The following SYNGR1 variants were observed in gnomAD, a reference collection of about 807,000 sequenced individuals.
SYNGR1 encodes the protein synaptogyrin 1, also known as synaptogyrin-1.
Under a neutral mutation model 26.1 loss-of-function variants are expected in SYNGR1, and 14 were observed. The observed-to-expected ratio is 0.54, with a 90% confidence interval of 0.35 to 0.84. SYNGR1 has a LOEUF of 0.84. Among genes scored for constraint, SYNGR1 ranks in the 40% least tolerant of loss-of-function variants. The pLI is 0.01. For synonymous variants in SYNGR1, 141 were observed against 150.1 expected (o/e 0.94, Z 0.44); for missense variants, 319 against 332.9 (o/e 0.96, Z 0.33).
chr22:39,354,475 A>T (rs185374169), intron 1 of SYNGR1, among the ~76,000 whole-genome samples: 172 of 152,210 alleles, frequency 1.1e-3, no homozygotes, highest in Middle Eastern at 6.8e-3. Flanking sequence ...TGAGGGGGGC[A>T]GCTTCATACC....
chr22:39,381,362 G>A (rs918897910), intron 3 of SYNGR1, among the ~76,000 whole-genome samples: 1 of 152,200 alleles, frequency 6.6e-6, no homozygotes, highest in Non-Finnish European at 1.5e-5. Context: ...TAAGAAGGCT[G>A]TTGTGAGCCT....
At chr22:39,353,817 A>G (rs1028546849) in intron 1 of SYNGR1, among the ~76,000 whole-genome samples, 1 of 152,168 alleles carries the variant, frequency 6.6e-6, no homozygotes, top group African/African-American at 2.4e-5. Context: ...GGGGGCTAAG[A>G]TGGACTATAG....
At chr22:39,377,579 C>A (rs553666553) in intron 3 of SYNGR1, 1 of 1,612,532 alleles carries the variant, frequency 6.2e-7, no homozygotes, top group East Asian at 2.2e-5. Flanking sequence ...CTGGCCTCAC[C>A]CCTACTCTCT....
At chr22:39,355,464 T>G (rs1311836218) in intron 1 of SYNGR1, among the ~76,000 whole-genome samples, 2 of 152,226 alleles carry the variant, frequency 1.3e-5, no homozygotes, top group Admixed American at 6.5e-5. Context: ...CTCCGCCGCT[T>G]CTTCTCTCTC....
At chr22:39,364,792 TG>T (rs1308814488) in intron 1 of SYNGR1, among the ~76,000 whole-genome samples, 1 of 152,154 alleles carries the variant, frequency 6.6e-6, no homozygotes, top group Non-Finnish European at 1.5e-5. Flanking sequence ...TTGGTGCTTC[TG>T]GGGTCTCTGT....
chr22:39,356,218 C>A (rs1364871686), intron 1 of SYNGR1, among the ~76,000 whole-genome samples: 1 of 152,020 alleles, frequency 6.6e-6, no homozygotes, highest in African/African-American at 2.4e-5. Flanking sequence ...CCACACCCGG[C>A]TAATTTTTAT....
chr22:39,378,025 G>C, intron 3 of SYNGR1: 1 of 1,198,732 alleles, frequency 8.3e-7, no homozygotes, highest in Non-Finnish European at 1.1e-6. Flanking sequence ...GCCGTGGACA[G>C]TTACCAGGTA....
chr22:39,351,957 G>A (rs1391591063), intron 1 of SYNGR1, among the ~76,000 whole-genome samples: 1 of 152,228 alleles, frequency 6.6e-6, no homozygotes, highest in East Asian at 1.9e-4. Context: ...AAAGCAGGAG[G>A]AAGGATCAGC....
intron 1 of SYNGR1, among the ~76,000 whole-genome samples, chr22:39,367,045 C>T (rs1374703775): frequency 6.6e-6 from 1 of 152,250 alleles, no homozygotes; most frequent in Non-Finnish European, 1.5e-5. Flanking sequence ...GGCTCGGGTC[C>T]CTCACTGAGT....
Position 39,350,221 on chromosome 22 carries a change from C to G in SYNGR1, c.99+112C>G. On this transcript the variant is annotated intron_variant, in intron 1 of 3. Coordinates refer to ENST00000328933, the MANE Select transcript of SYNGR1 (RefSeq NM_004711.5). The surrounding 1 kb of genome is among the most constrained non-coding windows in gnomAD (Gnocchi z 4.3). ...GACCCCAACGGGCCCCCGGCGGCGG[C>G]GCGGCGGCGGGCGAGGAGCTGTCCT... is the stretch of plus-strand genomic sequence containing the variant. 1 of 701,546 alleles carries G rather than the reference C, an allele frequency of 1.4e-6. No homozygotes were observed. The highest frequency in any genetic ancestry group is 1.9e-6 in the Non-Finnish European group (1 of 537,712). The allele number at this position is 701,546 out of a possible 1,614,324, so 43.5% of individuals were successfully genotyped here. A position where few individuals can be genotyped will look rare whatever the true frequency, so the allele number is the denominator to read the frequency against.
At chr22:39,377,224 G>A (rs1925323310) in intron 3 of SYNGR1, 1 of 1,435,104 alleles carries the variant, frequency 7.0e-7, no homozygotes, top group African/African-American at 1.4e-5. Context: ...AGGGCCCCTG[G>A]ATATCCATTT....
At position 39,381,708 on chromosome 22, in the gene SYNGR1, G is replaced by A. The variant is rs1323817834; in HGVS notation, c.496G>A (p.Val166Met). Reference sequence around the variant, plus strand: ...CCTTTGTCCCCAGGCGGGCCAGGCTGTGCTGGCCTTCCAGCGGTACCAGAT... The same window carrying A: ...CCTTTGTCCCCAGGCGGGCCAGGCTATGCTGGCCTTCCAGCGGTACCAGAT... Reference protein sequence around the residue: ...FSIFTWAGQAVLAFQRYQIGA... With the variant: ...FSIFTWAGQAMLAFQRYQIGA... Residue 166 changes from valine to methionine, a missense_variant, in exon 4 of 4, where the codon GTG becomes ATG. Coordinates refer to ENST00000328933, the MANE Select transcript of SYNGR1 (RefSeq NM_004711.5). 4 of 1,613,318 alleles carry A rather than the reference G, an allele frequency of 2.5e-6. No homozygotes were observed. The highest frequency in any genetic ancestry group is 3.4e-6 in the Non-Finnish European group (4 of 1,179,986).
intron 1 of SYNGR1, among the ~76,000 whole-genome samples, chr22:39,351,026 CAGTG>C (rs1298185317): frequency 2.0e-5 from 3 of 152,164 alleles, no homozygotes; most frequent in Admixed American, 1.3e-4. Flanking sequence ...GGGTCAGAGA[CAGTG>C]AGCACAGAGG....
rs1255867741 is a variant in SYNGR1, at chr22:39,350,327, T to G, written c.99+218T>G. Among the ~76,000 whole-genome samples, 1 of 151,852 alleles carries G rather than the reference T, an allele frequency of 6.6e-6. No homozygotes were observed. Among genetic ancestry groups the G allele is most frequent in the Non-Finnish European group, 1.5e-5 (1 of 67,912 alleles). ...CCCTGGTGCTCGCGGGAGACGCCGC[T>G]CCGGCTCCCGGAGCCCTGGTTTCCT... On this transcript the variant is annotated intron_variant, in intron 1 of 3. Coordinates refer to ENST00000328933, the MANE Select transcript of SYNGR1 (RefSeq NM_004711.5). This position sits in a 1 kb window ranked among gnomAD's most constrained non-coding sequence, Gnocchi z 4.3.
chr22:39,357,992 G>A (rs1350547820), intron 1 of SYNGR1, among the ~76,000 whole-genome samples: 1 of 152,284 alleles, frequency 6.6e-6, no homozygotes, highest in Non-Finnish European at 1.5e-5. Flanking sequence ...CGAGCGCACG[G>A]CGCGGGAGTG....
chr22:39,382,376 T>C lies in SYNGR1; in HGVS notation c.*462T>C. 4.4e-6 allele frequency: 1 copy of C among 229,282 alleles called. No individual in the cohort carries two copies. Among genetic ancestry groups the C allele is most frequent in the Non-Finnish European group, 8.8e-6 (1 of 113,144 alleles). 14.2% of individuals were successfully genotyped at this position (229,282 alleles called of 1,614,324 possible). On this transcript the variant is annotated 3_prime_UTR_variant, in exon 4 of 4. Coordinates refer to ENST00000328933, the MANE Select transcript of SYNGR1 (RefSeq NM_004711.5). ...CCGTGGCTTGGTCATAGGGTGAGTG[T>C]AAACACCCACAGGACACTGGGGGCT...
chr22:39,381,505 C>T (rs550384258), intron 3 of SYNGR1, among the ~76,000 whole-genome samples, 191 bp from the exon 4 acceptor site: 5 of 152,206 alleles, frequency 3.3e-5, no homozygotes, highest in South Asian at 2.1e-4. Flanking sequence ...TGGGCATTTC[C>T]GGGGGTGGCT....
chr22:39,361,094 T>C (rs982440552), intron 1 of SYNGR1, among the ~76,000 whole-genome samples: 76 of 152,334 alleles, frequency 5.0e-4, no homozygotes, highest in African/African-American at 1.8e-3. Context: ...TCCTGGATTC[T>C]CCCAAGCTTG....
At position 39,358,432 on chromosome 22, in the gene SYNGR1, C is replaced by T. The variant is rs117336951; in HGVS notation, c.99+8323C>T. ...CAAAGCTTTGTTCGTCTGCTCGTTG[C>T]GATAAATTTTGCTACTGCTCACTCT... On this transcript the variant is annotated intron_variant, in intron 1 of 3. Transcript: ENST00000328933. Among the ~76,000 whole-genome samples the T allele has an allele frequency of 2.0e-3, 310 of 152,294 alleles. 4 individuals are homozygous for T. The highest frequency in any genetic ancestry group is 4.8e-3 in the South Asian group (23 of 4,828).
Sources: gnomAD v4.1 joint callset for allele counts (sites outside exome capture counted in the v4.1 genomes callset) on GRCh38, gnomAD v4.1.1 for gene constraint, Gnocchi (gnomAD v3.1) non-coding constraint, MANE v1.5 for transcripts, NCBI Gene and HGNC (gene_info 2026-07-23, HGNC 2026-07-21) for gene names.